SPAG16: variants seen among roughly 807,000 people sequenced by gnomAD.
The protein encoded by SPAG16 is sperm-associated antigen 16 protein.
A neutral mutation model predicts 80.4 loss-of-function variants in SPAG16; 86 were observed. The observed-to-expected ratio is 1.07, with a 90% confidence interval of 0.90 to 1.28. The LOEUF (loss-of-function observed/expected upper bound fraction) is 1.28, where lower values mean the gene tolerates loss of function less well. Among genes scored for constraint, SPAG16 ranks in the 50% most tolerant of loss-of-function variants. The pLI, the probability that SPAG16 is intolerant of heterozygous loss-of-function variation, is 0.00. For synonymous variants in SPAG16, 294 were observed against 265.9 expected, an observed-to-expected ratio of 1.11 and a Z score of -1.03; for missense variants, 870 against 765.3, an observed-to-expected ratio of 1.14 and a Z score of -1.61.
chr2:213,697,864 C>T (rs1258793603), intron 10 of SPAG16, among the ~76,000 whole-genome samples: 1 of 152,116 alleles, frequency 6.6e-6, no homozygotes, highest in Non-Finnish European at 1.5e-5. Context: ...AATTTCCTAC[C>T]TCTACCTGCT....
intron 5 of SPAG16, among the ~76,000 whole-genome samples, chr2:213,337,046 G>A (rs766057097): frequency 3.9e-5 from 6 of 152,288 alleles, no homozygotes; most frequent in Middle Eastern, 3.4e-3. Context: ...CTGGTCTGTA[G>A]CCTCTGCTGG....
intron 11 of SPAG16, among the ~76,000 whole-genome samples, chr2:213,919,992 T>G (rs746254732): frequency 3.3e-4 from 51 of 152,326 alleles, no homozygotes; most frequent in Non-Finnish European, 6.2e-4. Context: ...GCATATATAT[T>G]TAGAATAGTT....
At chr2:214,237,696 A>C (rs890885781) in intron 15 of SPAG16, among the ~76,000 whole-genome samples, 2 of 152,004 alleles carry the variant, frequency 1.3e-5, no homozygotes, top group African/African-American at 4.8e-5. Flanking sequence ...TTATGAGTTT[A>C]CTCTTGGGAG....
chr2:214,208,106 C>T (rs556886416), intron 15 of SPAG16, among the ~76,000 whole-genome samples: 1 of 152,198 alleles, frequency 6.6e-6, no homozygotes, highest in African/African-American at 2.4e-5. Context: ...CTTAATAACT[C>T]TCTTTCATAT....
Position 214,246,126 on chromosome 2 carries a change from C to CA in SPAG16, c.1720+96870dup, listed in dbSNP as rs912935325. ...TTTCTTCTAGAAACCTGTTGACAAA[C>CA]AAAAAAAAAATGAGAGGGAATTAGG... On this transcript the variant is annotated intron_variant, in intron 15 of 15. Transcript: ENST00000331683. 9.8e-4 allele frequency among the ~76,000 whole-genome samples: 143 copies of CA among 146,470 alleles called. 2 individuals are homozygous for CA. Among genetic ancestry groups the CA allele is most frequent in the African/African-American group, 2.2e-3 (90 of 40,030 alleles).
intron 9 of SPAG16, among the ~76,000 whole-genome samples, chr2:213,457,346 C>G (rs1225707336): frequency 1.3e-5 from 2 of 152,156 alleles, no homozygotes; most frequent in African/African-American, 2.4e-5. Flanking sequence ...TTGGCAATTT[C>G]TGTCTATGTA....
intron 12 of SPAG16, among the ~76,000 whole-genome samples, chr2:213,978,920 G>A (rs939409732): frequency 1.3e-5 from 2 of 152,010 alleles, no homozygotes; most frequent in Non-Finnish European, 2.9e-5. Flanking sequence ...AAAAACGATA[G>A]GGCATTTATG....
intron 13 of SPAG16, among the ~76,000 whole-genome samples, chr2:214,018,032 G>A (rs1387440560): frequency 6.6e-6 from 1 of 151,680 alleles, no homozygotes; most frequent in Non-Finnish European, 1.5e-5. Context: ...AAACCAAGTA[G>A]AAAAAAATTT....
intron 10 of SPAG16, among the ~76,000 whole-genome samples, chr2:213,858,431 G>C (rs1478096068): frequency 4.6e-5 from 7 of 152,126 alleles, no homozygotes; most frequent in African/African-American, 1.7e-4. Context: ...GTTAAGATCA[G>C]CCCCATTTTT....
At chr2:214,229,985 A>G (rs1688576997) in intron 15 of SPAG16, among the ~76,000 whole-genome samples, 1 of 151,922 alleles carries the variant, frequency 6.6e-6, no homozygotes, top group African/African-American at 2.4e-5. Flanking sequence ...CCAGCATTAC[A>G]TATGATGAAT....
chr2:214,283,839 T>G (rs563504138), intron 15 of SPAG16, among the ~76,000 whole-genome samples: 115 of 152,304 alleles, frequency 7.6e-4, no homozygotes, highest in South Asian at 3.9e-3. Context: ...CTCTGCTTAT[T>G]TGTACAATAG....
chr2:213,626,378 A>T (rs1024177049), intron 10 of SPAG16, among the ~76,000 whole-genome samples: 1 of 152,182 alleles, frequency 6.6e-6, no homozygotes, highest in African/African-American at 2.4e-5. Flanking sequence ...TTAGGGGAAA[A>T]AAATAGCTGC....
intron 10 of SPAG16, among the ~76,000 whole-genome samples, chr2:213,748,060 G>T (rs2067912786): frequency 6.6e-6 from 1 of 151,968 alleles, no homozygotes; most frequent in African/African-American, 2.4e-5. Context: ...AATCCTTTTG[G>T]ATTATTTAAA....
intron 10 of SPAG16, among the ~76,000 whole-genome samples, chr2:213,502,683 T>G (rs756497931): frequency 2.0e-5 from 3 of 152,212 alleles, no homozygotes; most frequent in Non-Finnish European, 4.4e-5. Context: ...CGTTAAAGGC[T>G]TTTCACATAA....
At chr2:213,321,087 A>G (rs1177309711) in intron 5 of SPAG16, among the ~76,000 whole-genome samples, 1 of 152,092 alleles carries the variant, frequency 6.6e-6, no homozygotes, top group Non-Finnish European at 1.5e-5. Flanking sequence ...AAACAGGCAA[A>G]ATAGAATAGG....
chr2:213,426,338 C>T (rs73986838), intron 9 of SPAG16, among the ~76,000 whole-genome samples: 2,007 of 151,870 alleles, frequency 0.013, 42 homozygotes, highest in African/African-American at 0.044. Context: ...TATAAGAAAA[C>T]GATTCTCATT....
At chr2:214,050,765 T>C (rs574997843) in intron 13 of SPAG16, among the ~76,000 whole-genome samples, 6 of 152,274 alleles carry the variant, frequency 3.9e-5, no homozygotes, top group African/African-American at 1.4e-4. Flanking sequence ...CTTCTTTTTC[T>C]CCCTCTCTGT....
chr2:213,372,649 A>G (rs1460563971), intron 8 of SPAG16, among the ~76,000 whole-genome samples: 5 of 152,106 alleles, frequency 3.3e-5, no homozygotes, highest in African/African-American at 1.2e-4. Flanking sequence ...AATTACATAG[A>G]TCTAACCAAT....
intron 15 of SPAG16, among the ~76,000 whole-genome samples, chr2:214,329,294 AG>A (rs1696720101): frequency 1.5e-4 from 1 of 6,538 alleles, no homozygotes; most frequent in Non-Finnish European, 3.9e-4. Context: ...CAAACCTTAA[AG>A]AAAGAATTCT....
Sources: gnomAD v4.1 joint callset for allele counts (sites outside exome capture counted in the v4.1 genomes callset) on GRCh38, gnomAD v4.1.1 for gene constraint, MANE v1.5 for transcripts, NCBI Gene and HGNC (gene_info 2026-07-23, HGNC 2026-07-21) for gene names.